Variants in SGK3 observed in about 807,000 individuals in gnomAD.
SGK3 encodes the protein serine/threonine-protein kinase Sgk3.
A neutral mutation model predicts 68.5 loss-of-function variants in SGK3; 47 were observed. The observed-to-expected ratio is 0.69, with a 90% CI of 0.54 to 0.87. The LOEUF (loss-of-function observed/expected upper bound fraction) is 0.87, where lower values mean the gene tolerates loss of function less well. Ranked by LOEUF, SGK3 falls within the 40% of genes least tolerant of loss-of-function variation. The pLI is 0.00. For synonymous variants in SGK3, 181 were observed against 189.1 expected (o/e 0.96, Z 0.35); for missense variants, 479 against 575.5 (o/e 0.83, Z 1.72).
rs563905781 is a variant in SGK3, at chr8:66,803,755, C to T, written c.181-620C>T. On this transcript the variant is annotated intron_variant, in intron 3 of 16. Coordinates refer to ENST00000521198, the MANE Select transcript of SGK3 (RefSeq NM_001033578.3). Reference sequence around the variant, plus strand: ...CCCTGCAGCCCCAACCTTCCAGGCTCAAGCAATCCTCCCACCTCAGCCTTA... The same window carrying T: ...CCCTGCAGCCCCAACCTTCCAGGCTTAAGCAATCCTCCCACCTCAGCCTTA... 2.0e-3 allele frequency among the ~76,000 whole-genome samples: 306 copies of T among 152,060 alleles called. 1 individual carries two copies. Among genetic ancestry groups the T allele is most frequent in the Non-Finnish European group, 3.8e-3 (259 of 67,996 alleles).
intron 8 of SGK3, among the ~76,000 whole-genome samples, chr8:66,832,376 G>A (rs1809338287): frequency 6.6e-6 from 1 of 152,072 alleles, no homozygotes; most frequent in Non-Finnish European, 1.5e-5. Context: ...TGCTATATTT[G>A]TAGCTTTTGG....
chr8:66,856,022 A>G (rs1437241404), intron 16 of SGK3, among the ~76,000 whole-genome samples: 1 of 152,158 alleles, frequency 6.6e-6, no homozygotes, highest in Non-Finnish European at 1.5e-5. Flanking sequence ...CAGAACTAGA[A>G]TTTGAACTCT....
chr8:66,796,871 A>T (rs924213018), intron 2 of SGK3, among the ~76,000 whole-genome samples: 3 of 151,958 alleles, frequency 2.0e-5, no homozygotes, highest in Non-Finnish European at 4.4e-5. Flanking sequence ...CAAATAAGAT[A>T]ATGTCATATT....
chr8:66,813,488 T>G (rs1808461970), intron 4 of SGK3, among the ~76,000 whole-genome samples: 2 of 152,066 alleles, frequency 1.3e-5, no homozygotes, highest in South Asian at 4.1e-4. Context: ...TGTCATAGTG[T>G]TAATTTTTAT....
intron 16 of SGK3, among the ~76,000 whole-genome samples, chr8:66,858,152 G>T (rs934108440): frequency 2.6e-5 from 4 of 152,086 alleles, no homozygotes; most frequent in African/African-American, 9.7e-5. Context: ...AGATGGACAG[G>T]CGTTTTATGG....
chr8:66,803,028 C>T (rs1488933665), intron 3 of SGK3, among the ~76,000 whole-genome samples: 1 of 152,136 alleles, frequency 6.6e-6, no homozygotes, highest in Non-Finnish European at 1.5e-5. Flanking sequence ...AATATCATTA[C>T]CACATCTAAA....
chr8:66,848,916 C>T (rs1363397163), intron 15 of SGK3, among the ~76,000 whole-genome samples: 1 of 152,188 alleles, frequency 6.6e-6, no homozygotes, highest in Non-Finnish European at 1.5e-5. Context: ...TACTTTTCCT[C>T]AACTTATGCC....
chr8:66,769,965 T>G, intron 1 of SGK3, among the ~76,000 whole-genome samples: 1 of 152,182 alleles, frequency 6.6e-6, no homozygotes, highest in East Asian at 1.9e-4. Context: ...TTTTTTTGTT[T>G]GTTTTTGAGA....
intron 2 of SGK3, among the ~76,000 whole-genome samples, chr8:66,795,662 G>A (rs956035781): frequency 1.3e-5 from 2 of 152,166 alleles, no homozygotes; most frequent in Non-Finnish European, 2.9e-5. Context: ...GAGGAGACCT[G>A]TAGCATTTCT....
At chr8:66,793,169 C>G (rs1807535117) in intron 1 of SGK3, among the ~76,000 whole-genome samples, 1 of 152,154 alleles carries the variant, frequency 6.6e-6, no homozygotes, top group Non-Finnish European at 1.5e-5. Context: ...GGCCTGGGTT[C>G]AAATCCGGGA....
intron 1 of SGK3, among the ~76,000 whole-genome samples, chr8:66,769,257 T>C (rs1563617669): frequency 6.6e-6 from 1 of 152,128 alleles, no homozygotes; most frequent in Non-Finnish European, 1.5e-5. Context: ...AGAGTCTCAC[T>C]CTGTTGCCCA....
intron 10 of SGK3, among the ~76,000 whole-genome samples, chr8:66,838,894 T>C (rs1809652097): frequency 6.6e-6 from 1 of 152,174 alleles, no homozygotes; most frequent in Non-Finnish European, 1.5e-5. Flanking sequence ...CTACTTCATA[T>C]CTTTTTTAGA....
At chr8:66,723,733 C>G (rs1585631822) in intron 1 of SGK3, among the ~76,000 whole-genome samples, 2 of 152,206 alleles carry the variant, frequency 1.3e-5, no homozygotes, top group African/African-American at 2.4e-5. Flanking sequence ...GCATGAACCA[C>G]TTTGCCCAAC....
chr8:66,779,035 A>G (rs1806842670), intron 1 of SGK3, among the ~76,000 whole-genome samples: 1 of 152,186 alleles, frequency 6.6e-6, no homozygotes. Flanking sequence ...GTCTGCAGAA[A>G]GTAATTTACT....
chr8:66,750,855 A>G (rs922453907), intron 1 of SGK3, among the ~76,000 whole-genome samples: 2 of 145,948 alleles, frequency 1.4e-5, no homozygotes, highest in African/African-American at 2.6e-5. Context: ...AAAATATAAA[A>G]ATTAGCCAGG....
chr8:66,714,706 T>C (rs368260227), intron 1 of SGK3, among the ~76,000 whole-genome samples: 18 of 152,240 alleles, frequency 1.2e-4, no homozygotes, highest in Admixed American at 7.9e-4. Flanking sequence ...AGCATTTTCA[T>C]GGCTTACAAA....
intron 1 of SGK3, among the ~76,000 whole-genome samples, chr8:66,771,529 T>C (rs1344767212): frequency 1.3e-5 from 2 of 152,218 alleles, no homozygotes; most frequent in Non-Finnish European, 2.9e-5. Flanking sequence ...TAGAGCTTGC[T>C]AACATAGGGA....
intron 6 of SGK3, among the ~76,000 whole-genome samples, chr8:66,823,570 G>T (rs1398877567): frequency 6.6e-6 from 1 of 151,880 alleles, no homozygotes; most frequent in Non-Finnish European, 1.5e-5. Context: ...GCTAATTTTT[G>T]TATTTTTAGT....
intron 1 of SGK3, among the ~76,000 whole-genome samples, chr8:66,787,622 T>G (rs931631956): frequency 6.6e-6 from 1 of 152,192 alleles, no homozygotes; most frequent in Non-Finnish European, 1.5e-5. Context: ...GGCCACTTTG[T>G]CATCGGTCCA....
Sources: allele counts gnomAD v4.1 joint callset (sites outside exome capture counted in the v4.1 genomes callset), GRCh38; gene constraint gnomAD v4.1.1; transcripts MANE v1.5; gene names NCBI Gene and HGNC (gene_info 2026-07-23, HGNC 2026-07-21).